TRAF2: variants seen among roughly 807,000 people sequenced by gnomAD.
The protein encoded by TRAF2 is TNF receptor associated factor 2.
Under a neutral mutation model 55.6 loss-of-function variants are expected in TRAF2, and 6 were observed. The ratio of observed to expected loss-of-function variants is 0.11; its 90% CI spans 0.06 to 0.21. TRAF2 has a LOEUF of 0.21. TRAF2 is among the 10% of genes least tolerant of loss of function. TRAF2 has a pLI of 1.00. For missense variants in TRAF2, 561 were observed against 684.5 expected, an observed-to-expected ratio of 0.82 and a Z score of 2.01; for synonymous variants, 329 against 276.3, an observed-to-expected ratio of 1.19 and a Z score of -1.89.
chr9:136,918,111 C>T (rs201432852), intron 7 of TRAF2, among the ~76,000 whole-genome samples: 5 of 151,650 alleles, frequency 3.3e-5, no homozygotes, highest in East Asian at 1.9e-4. Flanking sequence ...GGCGAGCTCT[C>T]GTCCAGCTGT....
At chr9:136,914,842 G>A (rs545010729) in intron 6 of TRAF2, among the ~76,000 whole-genome samples, 2 of 152,058 alleles carry the variant, frequency 1.3e-5, no homozygotes, top group East Asian at 3.9e-4. Flanking sequence ...TTCCACGGAG[G>A]CCCATTTGTT....
At chr9:136,925,482 C>A (rs1001846043) in intron 10 of TRAF2, among the ~76,000 whole-genome samples, 2 of 151,690 alleles carry the variant, frequency 1.3e-5, no homozygotes, top group African/African-American at 4.9e-5. Context: ...AGCGGAATGC[C>A]GGTGGCTGGG....
intron 5 of TRAF2, 95 bp downstream of exon 5, chr9:136,908,326 T>G (rs1850008474): frequency 7.4e-7 from 1 of 1,353,452 alleles, no homozygotes; most frequent in Admixed American, 2.8e-5. Flanking sequence ...TCGGCCCCTT[T>G]GCACTCGTTC....
At chr9:136,900,602 G>GTCC (rs1849797297) in intron 4 of TRAF2, 82 bp downstream of exon 4, 1 of 1,105,816 alleles carries the variant, frequency 9.0e-7, no homozygotes, top group Non-Finnish European at 1.4e-6. Context: ...TTATGACCTT[G>GTCC]TCCTGCACGT....
chr9:136,891,374 C>T (rs529947011), intron 1 of TRAF2, among the ~76,000 whole-genome samples: 1 of 152,196 alleles, frequency 6.6e-6, no homozygotes, highest in Admixed American at 6.5e-5. Flanking sequence ...TCCCAAAGTG[C>T]TGGGATTACA....
chr9:136,913,200 G>C (rs751176423), intron 6 of TRAF2, among the ~76,000 whole-genome samples: 17 of 151,690 alleles, frequency 1.1e-4, no homozygotes, highest in Admixed American at 2.0e-4. Flanking sequence ...GGCCACTGAT[G>C]ATGAGGCCAC....
rs765566679 is a variant in TRAF2, at chr9:136,908,240, G to GGTGGA, written c.528+11_528+15dup. ...GCGGAGCAGACGTGAAGGTGCGTGG[G>GGTGGA]GTGGAGCAGCAGCCTGTGTGGCTGC... On this transcript the variant is annotated intron_variant, in intron 5 of 10. Transcript: ENST00000247668. 17 of 1,564,256 alleles carry GGTGGA rather than the reference G, an allele frequency of 1.1e-5. No individual in the cohort carries two copies. Among genetic ancestry groups the GGTGGA allele is most frequent in the Middle Eastern group, 1.7e-4 (1 of 5,776 alleles).
chr9:136,923,784 A>G (rs2131336362), intron 9 of TRAF2, 68 bp from the exon 10 acceptor site: 1 of 1,531,718 alleles, frequency 6.5e-7, no homozygotes, highest in Non-Finnish European at 8.9e-7. Flanking sequence ...GAGGGCAGCC[A>G]GGCAGGAAGA....
At chr9:136,895,710 G>C (rs1424936993) in intron 1 of TRAF2, among the ~76,000 whole-genome samples, 2 of 152,144 alleles carry the variant, frequency 1.3e-5, no homozygotes, top group Non-Finnish European at 2.9e-5. Context: ...TTAGCCACCT[G>C]TGGTGGCGGG....
intron 6 of TRAF2, among the ~76,000 whole-genome samples, chr9:136,910,944 T>C (rs886434326): frequency 6.6e-6 from 1 of 152,236 alleles, no homozygotes; most frequent in Non-Finnish European, 1.5e-5. Context: ...ATAGAGGCTA[T>C]GGCTGCTGCC....
At chr9:136,901,425 A>G (rs1849817662) in intron 4 of TRAF2, among the ~76,000 whole-genome samples, 1 of 152,232 alleles carries the variant, frequency 6.6e-6, no homozygotes, top group Non-Finnish European at 1.5e-5. Context: ...GATATGATTC[A>G]GCCTTAAAAA....
At chr9:136,887,136 C>G (rs1319875332) in intron 1 of TRAF2, among the ~76,000 whole-genome samples, 1 of 152,134 alleles carries the variant, frequency 6.6e-6, no homozygotes, top group Non-Finnish European at 1.5e-5. Flanking sequence ...GTGAAAAGTC[C>G]CTCTGGCTGC....
At position 136,920,377 on chromosome 9, in the gene TRAF2, C is replaced by G. The variant is rs1316366460; in HGVS notation, c.822C>G (p.Ser274Arg). 1 of 1,614,162 alleles carries G rather than the reference C, an allele frequency of 6.2e-7. No individual in the cohort carries two copies. Reference protein sequence around the residue: ...AGSELLQRCESLEKKTATFEN... With the variant: ...AGSELLQRCERLEKKTATFEN... Reference sequence around the variant, plus strand: ...CAGAGCTCCTGCAGAGGTGCGAGAGCCTGGAGAAGAAGACGGCCACTTTTG... The same window carrying G: ...CAGAGCTCCTGCAGAGGTGCGAGAGGCTGGAGAAGAAGACGGCCACTTTTG... Residue 274 changes from serine (S) to arginine (R), a missense_variant, in exon 8 of 11, where the codon AGC becomes AGG. This residue lies in a region of TRAF2 where 426 missense variants were observed against 476.8 expected (regional missense o/e 0.89). Transcript: ENST00000247668.
chr9:136,916,464 G>A (rs1850244200), intron 6 of TRAF2, 77 bp from the exon 7 acceptor site: 7 of 1,448,346 alleles, frequency 4.8e-6, no homozygotes, highest in Non-Finnish European at 6.8e-6. Context: ...CTCTGTGTCA[G>A]TCAGTGTGGT....
intron 1 of TRAF2, among the ~76,000 whole-genome samples, chr9:136,890,187 C>T (rs566820455): frequency 2.7e-5 from 4 of 145,816 alleles, no homozygotes; most frequent in African/African-American, 7.7e-5. Flanking sequence ...CTCGTTCAGT[C>T]GGTCACCGCA....
upstream of TRAF2, among the ~76,000 whole-genome samples, chr9:136,885,641 G>A (rs986549371): frequency 1.3e-5 from 2 of 152,184 alleles, no homozygotes; most frequent in Non-Finnish European, 2.9e-5. Context: ...GATGGCGGGC[G>A]CCTGTAGTCC....
At position 136,888,089 on chromosome 9, in the gene TRAF2, TCAAACTCTTGACCTTAG is replaced by T. The variant is rs545055274; in HGVS notation, c.-29+1549_-29+1565del. On this transcript the variant is annotated intron_variant, in intron 1 of 10. Coordinates refer to ENST00000247668, the MANE Select transcript of TRAF2 (RefSeq NM_021138.4). ...TTTCATCATGTTGGCCAGGCTGGTT[TCAAACTCTTGACCTTAG>T]GTGATCCACCCGCCTCGGCCTCCCA... Among the ~76,000 whole-genome samples the T allele has an allele frequency of 1.4e-4, 21 of 152,210 alleles. No homozygotes were observed. In the East Asian group the frequency reaches 4.1e-3, roughly 29 times the overall value.
upstream of TRAF2, among the ~76,000 whole-genome samples, chr9:136,885,084 C>T (rs1388375746): frequency 6.6e-6 from 1 of 152,218 alleles, no homozygotes; most frequent in Non-Finnish European, 1.5e-5. Flanking sequence ...AGTTCCATCT[C>T]AAGGCCTTGC....
intron 9 of TRAF2, among the ~76,000 whole-genome samples, chr9:136,922,863 T>G: frequency 2.7e-5 from 2 of 74,548 alleles, no homozygotes; most frequent in Non-Finnish European, 5.2e-5. Context: ...ATGGGGAGGA[T>G]GGGCCTGGGG....
Sources: gnomAD v4.1 joint callset for allele counts (sites outside exome capture counted in the v4.1 genomes callset) on GRCh38, gnomAD v4.1.1 for gene constraint, gnomAD v4.1.1 regional missense constraint, MANE v1.5 for transcripts, NCBI Gene and HGNC (gene_info 2026-07-23, HGNC 2026-07-21) for gene names.